Variants in DIPK1A observed in about 807,000 individuals in gnomAD.
DIPK1A encodes family with sequence similarity 69 member A.
A neutral mutation model predicts 40.8 loss-of-function variants in DIPK1A; 27 were observed. The ratio of observed to expected loss-of-function variants is 0.66; its 90% CI spans 0.49 to 0.91. The LOEUF (loss-of-function observed/expected upper bound fraction) is 0.91, where lower values mean the gene tolerates loss of function less well. DIPK1A is among the 40% of genes least tolerant of loss of function. DIPK1A has a pLI of 0.00. For missense variants in DIPK1A, 412 were observed against 505.7 expected (o/e 0.81, Z 1.78); for synonymous variants, 166 against 171.3 (o/e 0.97, Z 0.24).
chr1:92,862,214 T>G (rs1647313433), intron 2 of DIPK1A, among the ~76,000 whole-genome samples: 1 of 152,172 alleles, frequency 6.6e-6, no homozygotes, highest in Non-Finnish European at 1.5e-5. Flanking sequence ...GAATTAAATA[T>G]CCAAGTGCTC....
chr1:92,916,191 CTG>C (rs1650046135), intron 1 of DIPK1A, among the ~76,000 whole-genome samples: 1 of 151,686 alleles, frequency 6.6e-6, no homozygotes, highest in African/African-American at 2.4e-5. Flanking sequence ...GGTTGTAGAA[CTG>C]TGAATATATT....
intron 2 of DIPK1A, among the ~76,000 whole-genome samples, chr1:92,855,660 G>A (rs1278615907): frequency 1.3e-5 from 2 of 150,874 alleles, no homozygotes; most frequent in African/African-American, 4.9e-5. Flanking sequence ...TCATGCCATT[G>A]TACTCCAGCC....
chr1:92,839,119 G>A (rs974533363), downstream of DIPK1A, among the ~76,000 whole-genome samples: 2 of 151,784 alleles, frequency 1.3e-5, no homozygotes, highest in Non-Finnish European at 2.9e-5. Flanking sequence ...CCGGACTTGG[G>A]AGGCCGTGGT....
intron 2 of DIPK1A, among the ~76,000 whole-genome samples, chr1:92,861,321 CTTTTTTTTTT>C (rs71230876): frequency 6.0e-5 from 5 of 83,546 alleles, no homozygotes; most frequent in African/African-American, 2.3e-4. Context: ...CTCTCTCTCT[CTTTTTTTTTT>C]TTTTTTTTTT....
At chr1:92,958,009 T>C (rs1651919343) in intron 1 of DIPK1A, among the ~76,000 whole-genome samples, 1 of 152,250 alleles carries the variant, frequency 6.6e-6, no homozygotes, top group Admixed American at 6.5e-5. Context: ...ATATATTTAA[T>C]GTTTTTAAGG....
chr1:92,909,873 G>C (rs1649764686), intron 1 of DIPK1A, among the ~76,000 whole-genome samples: 1 of 152,156 alleles, frequency 6.6e-6, no homozygotes, highest in African/African-American at 2.4e-5. Context: ...CAAAACATAA[G>C]GAATTAAATG....
intron 1 of DIPK1A, among the ~76,000 whole-genome samples, chr1:92,954,299 C>CAA (rs201689835): frequency 1.3e-4 from 15 of 118,228 alleles, no homozygotes; most frequent in South Asian, 2.7e-4. Flanking sequence ...CCCTGTCTCA[C>CAA]AAAAAAAAAA....
At chr1:92,942,938 C>G (rs1194691851) in intron 1 of DIPK1A, among the ~76,000 whole-genome samples, 1 of 152,254 alleles carries the variant, frequency 6.6e-6, no homozygotes, top group Admixed American at 6.5e-5. Context: ...GTTGGGAATA[C>G]AGGCCTGGGC....
chr1:92,915,292 A>G (rs13373836), intron 1 of DIPK1A, among the ~76,000 whole-genome samples: 4,648 of 152,232 alleles, frequency 0.031, 206 homozygotes, highest in African/African-American at 0.099. Context: ...GGCATGCCCT[A>G]AACATGTGAG....
At chr1:92,836,452 G>A in intron 4 of DIPK1A, 1 of 1,475,514 alleles carries the variant, frequency 6.8e-7, no homozygotes, top group Non-Finnish European at 9.5e-7. Flanking sequence ...TTTTTAACTA[G>A]TTGGACTGTG....
intron 2 of DIPK1A, among the ~76,000 whole-genome samples, chr1:92,861,761 TTCC>T (rs1381298842): frequency 6.6e-6 from 1 of 151,852 alleles, no homozygotes; most frequent in Non-Finnish European, 1.5e-5. Context: ...TCTTCATATT[TTCC>T]TCCTCCTTCT....
chr1:92,897,830 T>G (rs983439855), intron 1 of DIPK1A, among the ~76,000 whole-genome samples: 3 of 150,992 alleles, frequency 2.0e-5, no homozygotes, highest in Non-Finnish European at 4.4e-5. Flanking sequence ...AGATAATGTA[T>G]AAAAACAAAA....
intron 4 of DIPK1A, chr1:92,834,643 C>T: frequency 1.7e-6 from 2 of 1,156,588 alleles, no homozygotes; most frequent in South Asian, 2.6e-5. Flanking sequence ...ACTGGTAACC[C>T]AGCTAAGAGT....
At chr1:92,891,295 G>GT (rs984889839) in intron 1 of DIPK1A, among the ~76,000 whole-genome samples, 32 of 149,170 alleles carry the variant, frequency 2.1e-4, no homozygotes, top group East Asian at 1.2e-3. Flanking sequence ...ATCTTTTGTG[G>GT]TTTTTTTTTA....
At chr1:92,927,547 A>G (rs1650569140) in intron 1 of DIPK1A, among the ~76,000 whole-genome samples, 1 of 151,930 alleles carries the variant, frequency 6.6e-6, no homozygotes, top group African/African-American at 2.4e-5. Context: ...GGTTTGGAAA[A>G]ACATCACCAC....
intron 1 of DIPK1A, among the ~76,000 whole-genome samples, chr1:92,959,792 G>C (rs1184737684): frequency 6.6e-6 from 1 of 150,750 alleles, no homozygotes; most frequent in Non-Finnish European, 1.5e-5. Context: ...CTGTTGCCCA[G>C]GCTGGAGTGC....
intron 2 of DIPK1A, among the ~76,000 whole-genome samples, chr1:92,869,790 G>T (rs899422331): frequency 6.6e-6 from 1 of 151,810 alleles, no homozygotes; most frequent in Non-Finnish European, 1.5e-5. Context: ...ATACGCTTTG[G>T]TTCTCTTCAA....
intron 1 of DIPK1A, among the ~76,000 whole-genome samples, chr1:92,906,498 G>A (rs1649628871): frequency 6.6e-6 from 1 of 152,142 alleles, no homozygotes; most frequent in Non-Finnish European, 1.5e-5. Flanking sequence ...TTGAGTTTTA[G>A]TGTCTTCATC....
downstream of DIPK1A, chr1:92,837,451 T>C: frequency 6.2e-7 from 1 of 1,612,686 alleles, no homozygotes; most frequent in Non-Finnish European, 8.5e-7. Context: ...ATAACTTTAT[T>C]TTAGTACCAA....
Sources: gnomAD v4.1 joint callset for allele counts (sites outside exome capture counted in the v4.1 genomes callset) on GRCh38, gnomAD v4.1.1 for gene constraint, MANE v1.5 for transcripts, NCBI Gene and HGNC (gene_info 2026-07-23, HGNC 2026-07-21) for gene names.